Variants in COL14A1 observed in about 807,000 individuals in gnomAD.
COL14A1 encodes collagen alpha-1(XIV) chain.
Under a neutral mutation model 230.3 loss-of-function variants are expected in COL14A1, and 136 were observed. The observed-to-expected ratio is 0.59, with a 90% confidence interval of 0.51 to 0.68. The LOEUF (loss-of-function observed/expected upper bound fraction) is 0.68, where lower values mean the gene tolerates loss of function less well. COL14A1 is among the 30% of genes least tolerant of loss of function. The probability of loss-of-function intolerance (pLI) is 0.00; values close to 1 mark genes in which losing one functional copy is unlikely to be tolerated. For missense variants in COL14A1, 1,976 were observed against 2,215.8 expected, an observed-to-expected ratio of 0.89 and a Z score of 2.17; for synonymous variants, 792 against 784.1, an observed-to-expected ratio of 1.01 and a Z score of -0.17.
At chr8:120,280,627 T>G in intron 29 of COL14A1, 84 bp from the exon 30 acceptor site, 6 of 1,243,158 alleles carry the variant, frequency 4.8e-6, no homozygotes, top group Non-Finnish European at 7.0e-6. Flanking sequence ...AAGATTGTAT[T>G]AGTTTCCTGT....
intron 5 of COL14A1, among the ~76,000 whole-genome samples, chr8:120,182,200 A>T (rs529807452): frequency 1.3e-5 from 2 of 152,214 alleles, no homozygotes; most frequent in African/African-American, 4.8e-5. Context: ...CATTCTTAAA[A>T]TAACTTTTAA....
chr8:120,336,965 A>G (rs1174394540), intron 42 of COL14A1, among the ~76,000 whole-genome samples: 1 of 152,182 alleles, frequency 6.6e-6, no homozygotes, highest in African/African-American at 2.4e-5. Context: ...CTGCATTTCA[A>G]CTATTGATGT....
intron 5 of COL14A1, among the ~76,000 whole-genome samples, chr8:120,189,363 T>C (rs2038087223): frequency 6.6e-6 from 1 of 152,302 alleles, no homozygotes; most frequent in East Asian, 1.9e-4. Flanking sequence ...GAGTACGTAC[T>C]AGTCTTCAAG....
chr8:120,230,448 C>T (rs920839891), intron 18 of COL14A1, among the ~76,000 whole-genome samples: 4 of 152,078 alleles, frequency 2.6e-5, no homozygotes, highest in African/African-American at 4.8e-5. Flanking sequence ...CTTATCAAGC[C>T]TTCTTTGTGC....
chr8:120,210,112 A>G (rs1031043764), intron 12 of COL14A1, among the ~76,000 whole-genome samples: 1 of 152,116 alleles, frequency 6.6e-6, no homozygotes, highest in Non-Finnish European at 1.5e-5. Context: ...ACACATGGAA[A>G]TGGTTTCGTA....
chr8:120,278,526 T>C lies in COL14A1; in HGVS notation c.3429T>C (p.Asp1143=), dbSNP rs1490026810. The C allele has an allele frequency of 1.2e-6, 2 of 1,613,148 alleles. No individual in the cohort carries two copies. The highest frequency in any genetic ancestry group is 1.7e-5 in the Admixed American group (1 of 59,870). ...CAAAGGTTATCGTGGTTATAACTGA[T>C]GGAAGATCACAAGATGATGTGAACA... is the stretch of plus-strand genomic sequence containing the variant. ...GIPKVIVVIT[D]GRSQDDVNKI... is the part of the protein sequence containing the mutation. The change falls in exon 28 of 48, where the codon GAT becomes GAC. Residue 1143 remains aspartate, a synonymous_variant. Coordinates refer to ENST00000297848, the MANE Select transcript of COL14A1 (RefSeq NM_021110.4).
intron 12 of COL14A1, among the ~76,000 whole-genome samples, chr8:120,211,641 A>G (rs1817617881): frequency 6.6e-6 from 1 of 152,214 alleles, no homozygotes; most frequent in African/African-American, 2.4e-5. Context: ...AATTTGAGTA[A>G]TGGGTACATC....
At chr8:120,342,516 C>A in intron 44 of COL14A1, 70 bp downstream of exon 44, 1 of 1,433,088 alleles carries the variant, frequency 7.0e-7, no homozygotes, top group Non-Finnish European at 9.8e-7. Context: ...TTTCTTTTCC[C>A]ATGAGCGTAC....
At chr8:120,260,726 G>A (rs1413662485) in intron 23 of COL14A1, among the ~76,000 whole-genome samples, 1 of 152,110 alleles carries the variant, frequency 6.6e-6, no homozygotes, top group African/African-American at 2.4e-5. Context: ...AATGCTCTGT[G>A]CCTACGAGGA....
chr8:120,280,085 A>C lies in COL14A1; in HGVS notation c.3632A>C (p.Glu1211Ala). The C allele has an allele frequency of 6.2e-7, 1 of 1,613,732 alleles. No homozygotes were observed. Among genetic ancestry groups the C allele is most frequent in the Non-Finnish European group, 8.5e-7 (1 of 1,179,740 alleles). The change falls in exon 29 of 48, where the codon GAA (glutamate) becomes GCA (alanine). Residue 1211 changes from glutamate to alanine, a missense_variant. Physicochemically the swap from Glu to Ala is moderately radical, Grantham distance 107 (BLOSUM62 -1). This residue lies in a region of COL14A1 where 1,791 missense variants were observed against 2,019.5 expected (regional missense o/e 0.89). Coordinates refer to ENST00000297848, the MANE Select transcript of COL14A1 (RefSeq NM_021110.4). ...GATGAGTTAATTACTTTTGTCTGCG[A>C]AACAGCATCAGCAAGTTAGTTCTTT... Reference protein sequence around the residue: ...IEDELITFVCETASATCPVVH... With the variant: ...IEDELITFVCATASATCPVVH...
intron 38 of COL14A1, among the ~76,000 whole-genome samples, 152 bp from the exon 39 acceptor site, chr8:120,315,369 TAAAAAAAAAAAA>T (rs56356824): frequency 1.8e-5 from 2 of 111,856 alleles, no homozygotes; most frequent in Admixed American, 2.0e-4. Flanking sequence ...AGACTCCATT[TAAAAAAAAAAAA>T]AAAAAAAAAA....
intron 23 of COL14A1, among the ~76,000 whole-genome samples, chr8:120,261,824 C>T (rs1819336928): frequency 6.6e-6 from 1 of 151,930 alleles, no homozygotes; most frequent in Admixed American, 6.6e-5. Context: ...AGAGTGGATG[C>T]AGGGCATTTG....
chr8:120,227,549 A>G (rs532052747), intron 17 of COL14A1, among the ~76,000 whole-genome samples, 197 bp downstream of exon 17: 3 of 152,230 alleles, frequency 2.0e-5, no homozygotes, highest in Non-Finnish European at 4.4e-5. Context: ...AATGATCAAC[A>G]TGAAGGCAGG....
intron 27 of COL14A1, 60 bp from the exon 28 acceptor site, chr8:120,278,375 T>G: frequency 6.4e-7 from 1 of 1,574,466 alleles, no homozygotes; most frequent in Non-Finnish European, 8.6e-7. Context: ...CACCCTTTCT[T>G]CTCCAGAAAA....
At chr8:120,205,129 T>C (rs1284889712) in intron 9 of COL14A1, among the ~76,000 whole-genome samples, 2 of 152,072 alleles carry the variant, frequency 1.3e-5, no homozygotes, top group Admixed American at 1.3e-4. Flanking sequence ...TTGTCTGCAG[T>C]AGAACAATTA....
At chr8:120,282,031 A>G (rs181930979) in intron 31 of COL14A1, among the ~76,000 whole-genome samples, 71 of 152,284 alleles carry the variant, frequency 4.7e-4, no homozygotes, top group African/African-American at 1.7e-3. Context: ...ACATATGTAT[A>G]CATGTGCCAT....
rs568261941 is a variant in COL14A1, at chr8:120,194,172, A to G, written c.437-2619A>G. On this transcript the variant is annotated intron_variant, in intron 5 of 47. Coordinates refer to ENST00000297848, the MANE Select transcript of COL14A1 (RefSeq NM_021110.4). ...ACACTGGAAGCTGTCGACCGGAGCC[A>G]TTCCTATTCGGCCATCTTGGCTGCC... Among the ~76,000 whole-genome samples, 48 of 152,340 alleles carry G rather than the reference A, an allele frequency of 3.2e-4. 1 individual carries two copies. In the South Asian group the frequency reaches 5.0e-3, roughly 16 times the overall value.
chr8:120,319,201 G>A (rs1171518679), intron 40 of COL14A1, among the ~76,000 whole-genome samples: 1 of 152,086 alleles, frequency 6.6e-6, no homozygotes, highest in African/African-American at 2.4e-5. Context: ...CTGTGGCCCA[G>A]GCTGGAGTAC....
At chr8:120,182,284 C>T (rs552674752) in intron 5 of COL14A1, among the ~76,000 whole-genome samples, 57 of 152,262 alleles carry the variant, frequency 3.7e-4, no homozygotes, top group African/African-American at 1.3e-3. Context: ...GTGAGTCTCC[C>T]GTAGGAATGC....
Sources: gnomAD v4.1 joint callset for allele counts (sites outside exome capture counted in the v4.1 genomes callset) on GRCh38, gnomAD v4.1.1 for gene constraint, gnomAD v4.1.1 regional missense constraint, MANE v1.5 for transcripts, NCBI Gene and HGNC (gene_info 2026-07-23, HGNC 2026-07-21) for gene names.